CCDC158: variants seen among roughly 807,000 people sequenced by gnomAD.
The protein encoded by CCDC158 is coiled-coil domain-containing protein 158.
In CCDC158, 116 loss-of-function variants were observed where a neutral mutation model predicts 138.6. The observed-to-expected ratio is 0.84, with a 90% CI of 0.72 to 0.98. The LOEUF is 0.98. Ranked by LOEUF, CCDC158 falls within the 50% of genes least tolerant of loss-of-function variation. The pLI is 0.00. For synonymous variants in CCDC158, 436 were observed against 442.4 expected (o/e 0.99, Z 0.18); for missense variants, 1,265 against 1,306.1 (o/e 0.97, Z 0.48).
intron 24 of CCDC158, among the ~76,000 whole-genome samples, chr4:76,320,601 C>G (rs2110072281): frequency 6.6e-6 from 1 of 152,208 alleles, no homozygotes; most frequent in Non-Finnish European, 1.5e-5. Context: ...GGCACATAGA[C>G]CAATGGAACA....
rs1726022101 is a variant in CCDC158 at position 76,379,440 on chromosome 4, G to C, written c.915-36C>G. On this transcript the variant is annotated intron_variant, in intron 8 of 24. Coordinates refer to ENST00000682701, the MANE Select transcript of CCDC158 (RefSeq NM_001394954.1). ...TTTAGAAGGGGAATAAGTGCAAATA[G>C]CAAACTAAGAATAAGAGTAACACCT... The C allele has an allele frequency of 4.6e-6, 6 of 1,311,188 alleles. No individual in the cohort carries two copies. The East Asian group carries it at 1.5e-4, about 32-fold the overall frequency. 81.2% of individuals were successfully genotyped at this position (1,311,188 alleles called of 1,614,324 possible).
chr4:76,372,701 T>C (rs1725355016), intron 9 of CCDC158, among the ~76,000 whole-genome samples: 1 of 152,228 alleles, frequency 6.6e-6, no homozygotes, highest in East Asian at 1.9e-4. Flanking sequence ...CCTCATTTTG[T>C]TCAACTATTA....
chr4:76,351,248 G>A, intron 17 of CCDC158, 127 bp from the exon 18 acceptor site: 3 of 829,766 alleles, frequency 3.6e-6, no homozygotes, highest in Non-Finnish European at 5.5e-6. Context: ...TATGTCTGTA[G>A]CTTTAAAGTA....
At chr4:76,375,873 AT>A (rs1168598996) in intron 9 of CCDC158, among the ~76,000 whole-genome samples, 1 of 152,210 alleles carries the variant, frequency 6.6e-6, no homozygotes, top group Non-Finnish European at 1.5e-5. Flanking sequence ...TTTTCTCTTA[AT>A]TTATGCATTC....
intron 9 of CCDC158, among the ~76,000 whole-genome samples, chr4:76,372,788 C>A (rs1401069587): frequency 6.6e-6 from 1 of 151,866 alleles, no homozygotes; most frequent in Non-Finnish European, 1.5e-5. Context: ...GCTGTTTGAT[C>A]TGTTTGAATA....
chr4:76,349,731 T>C (rs1442716570), intron 18 of CCDC158, among the ~76,000 whole-genome samples: 1 of 152,206 alleles, frequency 6.6e-6, no homozygotes, highest in African/African-American at 2.4e-5. Flanking sequence ...AACAAGCTAA[T>C]GACTAGTACT....
rs1423985095 is a variant in CCDC158, at chr4:76,333,607, T to C, written c.2822+403A>G. Among the ~76,000 whole-genome samples, 4 of 152,242 alleles carry C rather than the reference T, an allele frequency of 2.6e-5. 1 individual carries two copies. The highest frequency in any genetic ancestry group is 1.5e-5 in the Non-Finnish European group (1 of 68,046). On this transcript the variant is annotated intron_variant, in intron 19 of 24. Coordinates refer to ENST00000682701, the MANE Select transcript of CCDC158 (RefSeq NM_001394954.1). ...GGAGAGTATATAGTTCTCAAGGTTC[T>C]AGTTTTATCTCCACCATTGAACTTG...
chr4:76,379,166 G>A, intron 9 of CCDC158, 124 bp downstream of exon 9: 1 of 474,242 alleles, frequency 2.1e-6, no homozygotes, highest in Non-Finnish European at 3.7e-6. Flanking sequence ...TCTTACTCCA[G>A]CTTATAAACT....
chr4:76,333,080 A>G (rs1220234164), intron 19 of CCDC158, among the ~76,000 whole-genome samples: 1 of 152,196 alleles, frequency 6.6e-6, no homozygotes, highest in African/African-American at 2.4e-5. Context: ...CTAGTGGGAC[A>G]GTTCTGACAT....
intron 12 of CCDC158, 85 bp from the exon 13 acceptor site, chr4:76,362,400 T>A: frequency 1.1e-6 from 1 of 937,950 alleles, no homozygotes; most frequent in Non-Finnish European, 1.6e-6. Context: ...AACACAGTCC[T>A]AAAATCTGAC....
chr4:76,407,091 G>C (rs1168641547), intron 2 of CCDC158: 1 of 152,074 alleles, frequency 6.6e-6, no homozygotes, highest in African/African-American at 2.4e-5. Context: ...ATGGGAAGAG[G>C]AAGATCATGT....
chr4:76,321,197 C>T (rs936780123), intron 24 of CCDC158, among the ~76,000 whole-genome samples: 1 of 151,996 alleles, frequency 6.6e-6, no homozygotes, highest in African/African-American at 2.4e-5. Context: ...AAATGCAAAT[C>T]AAAACAACAG....
intron 2 of CCDC158, among the ~76,000 whole-genome samples, chr4:76,405,171 A>G (rs1668044162): frequency 6.6e-6 from 1 of 152,238 alleles, no homozygotes; most frequent in South Asian, 2.1e-4. Context: ...TAATTTACAA[A>G]GGCAAGAAGA....
chr4:76,357,147 A>G (rs1322483089), intron 14 of CCDC158, among the ~76,000 whole-genome samples: 1 of 152,242 alleles, frequency 6.6e-6, no homozygotes, highest in Non-Finnish European at 1.5e-5. Context: ...GCCACTAGAA[A>G]GGAAAGATTC....
intron 18 of CCDC158, among the ~76,000 whole-genome samples, chr4:76,336,619 C>T (rs949060719): frequency 2.0e-5 from 3 of 152,298 alleles, no homozygotes; most frequent in Middle Eastern, 6.8e-3. Context: ...TCCCTCCATA[C>T]CCATACACCT....
chr4:76,368,519 C>G (rs1724911142), intron 11 of CCDC158, among the ~76,000 whole-genome samples: 1 of 152,202 alleles, frequency 6.6e-6, no homozygotes, highest in Non-Finnish European at 1.5e-5. Flanking sequence ...TTCTGAGAAG[C>G]TTACACTTTT....
chr4:76,355,191 T>C, intron 15 of CCDC158, 133 bp downstream of exon 15: 1 of 626,406 alleles, frequency 1.6e-6, no homozygotes, highest in Non-Finnish European at 2.9e-6. Context: ...TAGGAACTTT[T>C]CCCTTGTTCT....
At chr4:76,342,865 C>T (rs1192202048) in intron 18 of CCDC158, among the ~76,000 whole-genome samples, 1 of 152,126 alleles carries the variant, frequency 6.6e-6, no homozygotes, top group African/African-American at 2.4e-5. Flanking sequence ...GGAAGGCTCA[C>T]GAATTGGAAG....
intron 3 of CCDC158, among the ~76,000 whole-genome samples, chr4:76,402,297 A>G (rs974853536): frequency 3.9e-5 from 6 of 152,228 alleles, no homozygotes; most frequent in South Asian, 4.1e-4. Flanking sequence ...TCTCTTCCAC[A>G]TAGGTTTGCA....
Sources: gnomAD v4.1 joint callset for allele counts (sites outside exome capture counted in the v4.1 genomes callset) on GRCh38, gnomAD v4.1.1 for gene constraint, MANE v1.5 for transcripts, NCBI Gene and HGNC (gene_info 2026-07-23, HGNC 2026-07-21) for gene names.